The following ZNF438 variants were observed in gnomAD, a reference collection of about 807,000 sequenced individuals.
The protein encoded by ZNF438 is zinc finger protein 438.
In ZNF438, 25 loss-of-function variants were observed where a neutral mutation model predicts 38.0. The observed-to-expected ratio is 0.66, with a 90% CI of 0.48 to 0.92. The LOEUF (loss-of-function observed/expected upper bound fraction) is 0.92, where lower values mean the gene tolerates loss of function less well. Among genes scored for constraint, ZNF438 ranks in the 40% least tolerant of loss-of-function variants. ZNF438 has a pLI of 0.00. For synonymous variants in ZNF438, 372 were observed against 364.1 expected (o/e 1.02, Z -0.25); for missense variants, 1,007 against 999.6 (o/e 1.01, Z -0.10).
intron 1 of ZNF438, among the ~76,000 whole-genome samples, chr10:31,015,358 T>C (rs61845210): frequency 0.084 from 12,758 of 152,194 alleles, 592 homozygotes; most frequent in African/African-American, 0.12. Flanking sequence ...GAATACAGCA[T>C]TATGGCCGGA....
intron 4 of ZNF438, among the ~76,000 whole-genome samples, chr10:30,868,762 T>A (rs970807156): frequency 1.8e-4 from 27 of 152,246 alleles, no homozygotes; most frequent in Middle Eastern, 3.2e-3. Flanking sequence ...GGGGCAGATG[T>A]TTCCATCCTT....
At chr10:30,857,372 A>T (rs1000877616) in intron 4 of ZNF438, among the ~76,000 whole-genome samples, 14 of 149,400 alleles carry the variant, frequency 9.4e-5, no homozygotes, top group African/African-American at 3.2e-4. Context: ...CTCCTGCCTT[A>T]GCCTCCCGAG....
chr10:30,901,711 C>T (rs996315507), intron 3 of ZNF438, among the ~76,000 whole-genome samples: 4 of 149,896 alleles, frequency 2.7e-5, no homozygotes, highest in Non-Finnish European at 4.5e-5. Context: ...ATGGTCCCTT[C>T]GTGGTCGCCA....
intron 3 of ZNF438, among the ~76,000 whole-genome samples, chr10:30,878,230 C>T (rs1185214273): frequency 2.0e-5 from 3 of 152,132 alleles, no homozygotes; most frequent in East Asian, 1.9e-4. Flanking sequence ...TCGAATGTTG[C>T]CTTTTCCAAA....
At chr10:30,976,687 T>G (rs1248707437) in intron 1 of ZNF438, among the ~76,000 whole-genome samples, 1 of 151,812 alleles carries the variant, frequency 6.6e-6, no homozygotes, top group Non-Finnish European at 1.5e-5. Flanking sequence ...CAATGAGCTA[T>G]GATCGTGCCT....
chr10:30,902,287 C>T (rs1370817542), intron 3 of ZNF438, among the ~76,000 whole-genome samples: 1 of 152,156 alleles, frequency 6.6e-6, no homozygotes, highest in Non-Finnish European at 1.5e-5. Context: ...GGTGTGTTTA[C>T]AATCCCTGAG....
chr10:30,950,914 C>G (rs2135777907), intron 1 of ZNF438, among the ~76,000 whole-genome samples: 1 of 131,680 alleles, frequency 7.6e-6, no homozygotes, highest in South Asian at 2.5e-4. Flanking sequence ...CAGCATCATT[C>G]TGATACCAAA....
intron 2 of ZNF438, chr10:30,919,385 T>C (rs2044025854): frequency 6.6e-6 from 1 of 152,246 alleles, no homozygotes; most frequent in African/African-American, 2.4e-5. Context: ...TCTACTCTTC[T>C]TTGTCAAATT....
chr10:31,017,906 A>G (rs2056321261), intron 1 of ZNF438, among the ~76,000 whole-genome samples: 1 of 152,246 alleles, frequency 6.6e-6, no homozygotes, highest in South Asian at 2.1e-4. Flanking sequence ...TGTCCCAAAC[A>G]GGCTTATTCC....
chr10:30,953,876 G>A (rs961370676), intron 1 of ZNF438, among the ~76,000 whole-genome samples: 2 of 152,192 alleles, frequency 1.3e-5, no homozygotes, highest in Non-Finnish European at 2.9e-5. Context: ...GGGCACAGTG[G>A]CTCACACCTG....
chr10:30,855,867 T>C (rs1211826841), intron 4 of ZNF438, among the ~76,000 whole-genome samples: 4 of 152,088 alleles, frequency 2.6e-5, no homozygotes, highest in Non-Finnish European at 5.9e-5. Flanking sequence ...ACAAAAGAAA[T>C]CAGGATTATG....
chr10:30,846,876 T>C (rs1382761486), intron 5 of ZNF438, among the ~76,000 whole-genome samples: 1 of 152,138 alleles, frequency 6.6e-6, no homozygotes, highest in East Asian at 1.9e-4. Context: ...CCTGCTCCAA[T>C]CTCAAAGCAA....
Position 30,849,648 on chromosome 10 carries a change from C to T in ZNF438, c.757G>A (p.Ala253Thr), listed in dbSNP as rs34186436. The change falls in exon 5 of 6, where the codon GCT (alanine) becomes ACT (threonine). Residue 253 changes from alanine to threonine, a missense_variant. Ala to Thr is a moderately conservative substitution (Grantham distance 58). Coordinates refer to ENST00000413025, the Ensembl canonical transcript of ZNF438. ...TCTTTAAATTTTTCACTGGCAACAG[C>T]AGAAGGTTTACTAGATGTTATCTTG... 12,137 of 1,614,114 alleles carry T rather than the reference C, an allele frequency of 7.5e-3. 656 individuals are homozygous for T. In the African/African-American group the frequency reaches 0.13, roughly 18 times the overall value.
rs539050993 is a variant in ZNF438, at chr10:30,893,073, C to T, written c.-32+15860G>A. Among the ~76,000 whole-genome samples the T allele has an allele frequency of 4.6e-5, 7 of 152,298 alleles. No individual in the cohort carries two copies. In the East Asian group the frequency reaches 1.3e-3, roughly 29 times the overall value. ...ATTTCTGGGTTGACTTAATATTTTT[C>T]TAGATTTTGCCAAACTGTCCTTCAA... On this transcript the variant is annotated intron_variant, in intron 3 of 5. Coordinates refer to ENST00000413025, the Ensembl canonical transcript of ZNF438.
At chr10:31,019,384 G>C (rs1384596606) in intron 1 of ZNF438, among the ~76,000 whole-genome samples, 1 of 152,164 alleles carries the variant, frequency 6.6e-6, no homozygotes, top group Non-Finnish European at 1.5e-5. Context: ...GAAAGAAAAA[G>C]TTAAATAACA....
At chr10:30,844,675 C>A (rs924849726) in exon 6 of ZNF438, 5 of 323,554 alleles carry the variant, frequency 1.5e-5, no homozygotes, top group Non-Finnish European at 2.3e-5. Flanking sequence ...CTATATTCTG[C>A]TAAATTTCAA....
rs113136482 is a variant in ZNF438, at chr10:30,953,781, T to C, written c.-191-12130A>G. On this transcript the variant is annotated intron_variant, in intron 1 of 5. Coordinates refer to ENST00000413025, the Ensembl canonical transcript of ZNF438. ...TTGAACAACATTAATGAAAACCTTA[T>C]GGTGGATAGATGAATAACTCTTCTT... Among the ~76,000 whole-genome samples the C allele has an allele frequency of 2.6e-5, 4 of 152,244 alleles. No homozygotes were observed. The East Asian group carries it at 7.7e-4, about 29-fold the overall frequency.
chr10:30,942,074 C>T (rs1052545274), intron 1 of ZNF438, among the ~76,000 whole-genome samples: 9 of 152,068 alleles, frequency 5.9e-5, no homozygotes, highest in Non-Finnish European at 8.8e-5. Context: ...AACTCTGTAT[C>T]GAGGCGATGT....
intron 1 of ZNF438, among the ~76,000 whole-genome samples, chr10:30,993,077 GA>G (rs2053670273): frequency 6.6e-6 from 1 of 152,206 alleles, no homozygotes; most frequent in Admixed American, 6.5e-5. Flanking sequence ...GAAAGATTTG[GA>G]AAACTCTCCT....
Sources: allele counts gnomAD v4.1 joint callset (sites outside exome capture counted in the v4.1 genomes callset), GRCh38; gene constraint gnomAD v4.1.1; transcripts MANE v1.5; gene names NCBI Gene and HGNC (gene_info 2026-07-23, HGNC 2026-07-21).